Variants in ST3GAL3 observed in about 807,000 individuals in gnomAD.
ST3GAL3 encodes CMP-N-acetylneuraminate-beta-1,4-galactoside alpha-2,3-sialyltransferase.
Under a neutral mutation model 50.1 loss-of-function variants are expected in ST3GAL3, and 21 were observed. The observed-to-expected ratio is 0.42, with a 90% CI of 0.30 to 0.60. The LOEUF is 0.60. ST3GAL3 is among the 20% of genes least tolerant of loss of function. The pLI, the probability that ST3GAL3 is intolerant of heterozygous loss-of-function variation, is 0.19. For synonymous variants in ST3GAL3, 183 were observed against 190.0 expected (o/e 0.96, Z 0.30); for missense variants, 353 against 489.4 (o/e 0.72, Z 2.63).
intron 4 of ST3GAL3, chr1:43,819,097 A>G (rs57182006): frequency 1.3e-5 from 2 of 152,112 alleles, no homozygotes; most frequent in African/African-American, 2.4e-5. Flanking sequence ...TTTTAATTTT[A>G]TATGTATTCT....
At chr1:43,803,322 T>C (rs1300526196) in intron 3 of ST3GAL3, among the ~76,000 whole-genome samples, 1 of 151,742 alleles carries the variant, frequency 6.6e-6, no homozygotes, top group Non-Finnish European at 1.5e-5. Context: ...GGAGGATCAC[T>C]TGGGCCCAGC....
At chr1:43,829,642 T>C (rs897904229) in intron 4 of ST3GAL3, among the ~76,000 whole-genome samples, 1 of 152,220 alleles carries the variant, frequency 6.6e-6, no homozygotes, top group Non-Finnish European at 1.5e-5. Context: ...AGGCTCTTTT[T>C]CTGCTTTGGA....
chr1:43,885,363 TCTC>T (rs1430832204), intron 5 of ST3GAL3, among the ~76,000 whole-genome samples: 12 of 152,224 alleles, frequency 7.9e-5, no homozygotes, highest in African/African-American at 2.4e-4. Flanking sequence ...GCAACTTCCG[TCTC>T]CTCCTTCCCC....
intron 5 of ST3GAL3, among the ~76,000 whole-genome samples, chr1:43,855,312 G>A (rs564593148): frequency 6.6e-6 from 1 of 152,270 alleles, no homozygotes; most frequent in South Asian, 2.1e-4. Context: ...CCCAAATGCT[G>A]AAATCCTAAA....
In ST3GAL3 at chr1:43,838,213, C is replaced by T. The variant is rs749922758; in HGVS notation, c.210-6C>T. ...GCAAGCTGTAACTTTCCTTCTCTTC[C>T]CATAGGCCTGCTGAATTAGCCACCA... On this transcript the variant is annotated splice_polypyrimidine_tract_variant and splice_region_variant and intron_variant, in intron 4 of 11. Coordinates refer to ENST00000347631, the MANE Select transcript of ST3GAL3 (RefSeq NM_006279.5). 5.0e-6 allele frequency: 8 copies of T among 1,611,622 alleles called. No individual in the cohort carries two copies. The South Asian group carries it at 7.7e-5, about 15-fold the overall frequency.
chr1:43,747,079 T>C (rs1684057904), intron 2 of ST3GAL3, among the ~76,000 whole-genome samples: 1 of 152,046 alleles, frequency 6.6e-6, no homozygotes, highest in South Asian at 2.1e-4. Context: ...AATGGTAAAT[T>C]TTATGTTGCA....
chr1:43,775,098 C>G (rs77198629), intron 2 of ST3GAL3, among the ~76,000 whole-genome samples: 1 of 152,096 alleles, frequency 6.6e-6, no homozygotes. Context: ...AGTGTAAGAG[C>G]GAGAACCAGC....
At chr1:43,845,786 A>T (rs2066154005) in intron 5 of ST3GAL3, among the ~76,000 whole-genome samples, 1 of 151,364 alleles carries the variant, frequency 6.6e-6, no homozygotes, top group African/African-American at 2.4e-5. Context: ...TATAAATTTC[A>T]CTCTATATAT....
chr1:43,766,976 A>G (rs1442649814), intron 2 of ST3GAL3, among the ~76,000 whole-genome samples: 1 of 152,170 alleles, frequency 6.6e-6, no homozygotes, highest in Non-Finnish European at 1.5e-5. Context: ...AAGGGCTGGG[A>G]GAGTCTTGTG....
intron 2 of ST3GAL3, among the ~76,000 whole-genome samples, chr1:43,742,977 A>AG (rs961096770): frequency 2.6e-5 from 4 of 151,866 alleles, no homozygotes; most frequent in Non-Finnish European, 5.9e-5. Flanking sequence ...ACGTGCCTGT[A>AG]GTCCCAGCTG....
At chr1:43,914,937 C>T (rs915165569) in intron 9 of ST3GAL3, among the ~76,000 whole-genome samples, 2 of 139,420 alleles carry the variant, frequency 1.4e-5, no homozygotes, top group African/African-American at 5.2e-5. Flanking sequence ...TCCACCCGTC[C>T]GTTTCCTACT....
rs1450687474 is a variant in ST3GAL3 at position 43,894,366 on chromosome 1, G to C, written c.303-17G>C. 1 of 1,613,220 alleles carries C rather than the reference G, an allele frequency of 6.2e-7. No homozygotes were observed. On this transcript the variant is annotated splice_polypyrimidine_tract_variant and intron_variant, in intron 5 of 11. Coordinates refer to ENST00000347631, the MANE Select transcript of ST3GAL3 (RefSeq NM_006279.5). ...TGTTGCGTTTTTGTGATCCTCAGCA[G>C]TCCTGTTATATTCCAGGTTCTCCAA...
chr1:43,792,142 A>G lies in ST3GAL3; in HGVS notation c.159A>G (p.Leu53=). 6.2e-7 allele frequency: 1 copy of G among 1,614,226 alleles called. No homozygotes were observed. Among genetic ancestry groups the G allele is most frequent in the South Asian group, 1.1e-5 (1 of 91,086 alleles). Residue 53 remains leucine (L), a synonymous_variant, in exon 3 of 12, where the codon CTA becomes CTG. Coordinates refer to ENST00000347631, the MANE Select transcript of ST3GAL3 (RefSeq NM_006279.5). ...VLSFDSAGQT[L]GSEYDRLGFL... ...CCTTTGACTCCGCTGGACAAACACT[A>G]GGCTCAGGTACCAACTCTTCCCCCT... is the stretch of plus-strand genomic sequence containing the variant.
intron 11 of ST3GAL3, among the ~76,000 whole-genome samples, chr1:43,924,417 T>G (rs1029930152): frequency 6.6e-6 from 1 of 152,250 alleles, no homozygotes; most frequent in Non-Finnish European, 1.5e-5. Flanking sequence ...GTAAACTTTA[T>G]GTAAAGTTGT....
chr1:43,842,912 G>C (rs1462801247), intron 5 of ST3GAL3: 1 of 151,284 alleles, frequency 6.6e-6, no homozygotes, highest in Admixed American at 6.6e-5. Context: ...TGGCATGTTT[G>C]TTGAAAATCA....
chr1:43,885,576 A>C (rs1003008074), intron 5 of ST3GAL3, among the ~76,000 whole-genome samples: 67 of 152,030 alleles, frequency 4.4e-4, no homozygotes, highest in Non-Finnish European at 9.3e-4. Flanking sequence ...TCTATACCTT[A>C]AGGGCCACCT....
At chr1:43,818,074 G>C (rs2154181326) in intron 4 of ST3GAL3, among the ~76,000 whole-genome samples, 1 of 152,038 alleles carries the variant, frequency 6.6e-6, no homozygotes, top group South Asian at 2.1e-4. Context: ...ATATGTTTTG[G>C]AAAAATTTTC....
At chr1:43,733,889 G>A (rs1274554307) in intron 1 of ST3GAL3, among the ~76,000 whole-genome samples, 1 of 152,222 alleles carries the variant, frequency 6.6e-6, no homozygotes, top group Non-Finnish European at 1.5e-5. Flanking sequence ...GCCGAGGTGG[G>A]TGGATCACGA....
intron 2 of ST3GAL3, 143 bp downstream of exon 2, chr1:43,736,523 C>T: frequency 2.0e-6 from 3 of 1,475,828 alleles, no homozygotes; most frequent in Non-Finnish European, 2.8e-6. Context: ...CTAGAAATTG[C>T]CTGCCATTTT....
Sources: gnomAD v4.1 joint callset for allele counts (sites outside exome capture counted in the v4.1 genomes callset) on GRCh38, gnomAD v4.1.1 for gene constraint, MANE v1.5 for transcripts, NCBI Gene and HGNC (gene_info 2026-07-23, HGNC 2026-07-21) for gene names.